CLIC5: variants seen among roughly 807,000 people sequenced by gnomAD.
CLIC5 encodes the protein chloride intracellular channel protein 5.
A neutral mutation model predicts 24.7 loss-of-function variants in CLIC5; 20 were observed. The observed-to-expected ratio is 0.81, with a 90% confidence interval of 0.57 to 1.18. CLIC5 has a LOEUF of 1.18. Ranked by LOEUF, CLIC5 falls within the 50% of genes most tolerant of loss-of-function variation. The probability of loss-of-function intolerance (pLI) is 0.00; values close to 1 mark genes in which losing one functional copy is unlikely to be tolerated. For missense variants in CLIC5, 341 were observed against 326.1 expected (o/e 1.05, Z -0.35); for synonymous variants, 159 against 135.6 (o/e 1.17, Z -1.20).
intron 1 of CLIC5, among the ~76,000 whole-genome samples, chr6:46,060,845 C>G (rs1035879421): frequency 7.2e-5 from 11 of 152,172 alleles, no homozygotes; most frequent in Non-Finnish European, 8.8e-5. Flanking sequence ...TGCTCTAGAA[C>G]CTGATTCCAC....
intron 5 of CLIC5, among the ~76,000 whole-genome samples, chr6:45,911,075 G>A (rs920292845): frequency 1.3e-5 from 2 of 152,124 alleles, no homozygotes; most frequent in African/African-American, 2.4e-5. Context: ...CACTTTCACC[G>A]ACATTCAGCT....
intron 5 of CLIC5, chr6:45,912,438 T>C: frequency 4.3e-6 from 5 of 1,175,082 alleles, no homozygotes; most frequent in Non-Finnish European, 3.2e-6. Context: ...GGAGATTCAT[T>C]TGTTTGCTTT....
chr6:46,084,132 A>T (rs1416605171), upstream of CLIC5, among the ~76,000 whole-genome samples: 2 of 151,894 alleles, frequency 1.3e-5, no homozygotes, highest in Non-Finnish European at 2.9e-5. Context: ...TGCTTGGTAG[A>T]TCTTCCTCCA....
chr6:45,995,760 A>G (rs1766111617), intron 1 of CLIC5, among the ~76,000 whole-genome samples: 1 of 152,252 alleles, frequency 6.6e-6, no homozygotes, highest in Non-Finnish European at 1.5e-5. Flanking sequence ...TGTGGTACAC[A>G]TACACCATGG....
chr6:45,974,536 G>C (rs866214754), intron 1 of CLIC5, among the ~76,000 whole-genome samples: 2 of 124,026 alleles, frequency 1.6e-5, no homozygotes, highest in Non-Finnish European at 3.4e-5. Context: ...GAGAGAGAGA[G>C]AGAGAGAGAG....
intron 4 of CLIC5, among the ~76,000 whole-genome samples, chr6:45,924,721 G>T (rs1763408388): frequency 6.6e-6 from 1 of 151,854 alleles, no homozygotes; most frequent in Non-Finnish European, 1.5e-5. Context: ...GAATATACAA[G>T]AATTCAGTCT....
Position 46,071,738 on chromosome 6 carries a change from A to G in CLIC5, c.540+7965T>C, listed in dbSNP as rs112198996. Among the ~76,000 whole-genome samples the G allele has an allele frequency of 5.7e-3, 865 of 152,278 alleles. 4 individuals are homozygous for G. Among genetic ancestry groups the G allele is most frequent in the African/African-American group, 0.019 (809 of 41,550 alleles). On this transcript the variant is annotated intron_variant, in intron 1 of 5. Transcript: ENST00000185206. ...CTACCCAGCAATCTCATTACTGGGT[A>G]TATACCTAAAGGAATATAAATTGTT...
At chr6:45,887,051 C>A (rs1485768532) in intron 6 of CLIC5, among the ~76,000 whole-genome samples, 1 of 152,174 alleles carries the variant, frequency 6.6e-6, no homozygotes, top group Non-Finnish European at 1.5e-5. Flanking sequence ...ACGCAGCAGA[C>A]AGTCTCTCTG....
intron 1 of CLIC5, among the ~76,000 whole-genome samples, chr6:46,009,051 C>G (rs1766704587): frequency 6.6e-6 from 1 of 152,176 alleles, no homozygotes; most frequent in South Asian, 2.1e-4. Context: ...ACTCTATAGA[C>G]AGGACCTGGG....
At chr6:46,003,351 C>T (rs561166352) in intron 1 of CLIC5, among the ~76,000 whole-genome samples, 5 of 152,272 alleles carry the variant, frequency 3.3e-5, no homozygotes, top group African/African-American at 7.2e-5. Context: ...CTTCCATCCC[C>T]GCTATCTCTT....
At chr6:46,104,748 A>C in the CLIC5 span, among the ~76,000 whole-genome samples, 1 of 152,176 alleles carries the variant, frequency 6.6e-6, no homozygotes, top group Non-Finnish European at 1.5e-5. Flanking sequence ...CCAAATTGAA[A>C]GAAAGACACA....
intron 1 of CLIC5, among the ~76,000 whole-genome samples, chr6:46,015,188 T>C (rs1044899050): frequency 6.6e-6 from 1 of 152,172 alleles, no homozygotes; most frequent in Non-Finnish European, 1.5e-5. Flanking sequence ...CTGAATCGCG[T>C]CCGGGCTGGG....
intron 1 of CLIC5, among the ~76,000 whole-genome samples, chr6:46,031,353 C>A (rs1419947038): frequency 6.6e-6 from 1 of 152,026 alleles, no homozygotes; most frequent in Non-Finnish European, 1.5e-5. Flanking sequence ...ACAAGGTGAG[C>A]CTTGACTCTC....
chr6:45,987,646 C>A (rs560152025), intron 1 of CLIC5, among the ~76,000 whole-genome samples: 1 of 152,282 alleles, frequency 6.6e-6, no homozygotes, highest in Non-Finnish European at 1.5e-5. Context: ...AAGATGCCGG[C>A]TAATTTGATT....
At chr6:45,909,707 A>G (rs1002209217) in intron 5 of CLIC5, among the ~76,000 whole-genome samples, 2 of 152,082 alleles carry the variant, frequency 1.3e-5, no homozygotes, top group Admixed American at 6.5e-5. Context: ...TGCCTTTAAG[A>G]CTTTTTTCTT....
At chr6:45,960,572 AC>A (rs1764812703) in intron 1 of CLIC5, among the ~76,000 whole-genome samples, 1 of 150,214 alleles carries the variant, frequency 6.7e-6, no homozygotes, top group Non-Finnish European at 1.5e-5. Flanking sequence ...TCAGCATGCA[AC>A]CCCCCTGGCA....
At chr6:45,914,118 G>C in intron 5 of CLIC5, 110 bp downstream of exon 5, 5 of 851,704 alleles carry the variant, frequency 5.9e-6, no homozygotes, top group Non-Finnish European at 8.1e-6. Context: ...TGACTTCAGG[G>C]TCCAGGTTCT....
At chr6:46,087,834 A>T in the CLIC5 span, among the ~76,000 whole-genome samples, 1 of 152,170 alleles carries the variant, frequency 6.6e-6, no homozygotes, top group Non-Finnish European at 1.5e-5. Context: ...AGACAATGCT[A>T]CATTTTGATG....
chr6:45,974,497 G>GTGTATATA lies in CLIC5; in HGVS notation c.64-19254_64-19253insTATATACA, dbSNP rs1192750031. On this transcript the variant is annotated intron_variant, in intron 1 of 5. Transcript: ENST00000339561. ...AGTGTTTACTACTGTGTGTGTGTGT[G>GTGTATATA]TATATATATATATATATATATATAT... Among the ~76,000 whole-genome samples, 159 of 75,846 alleles carry GTGTATATA rather than the reference G, an allele frequency of 2.1e-3. 3 individuals are homozygous for GTGTATATA. Among genetic ancestry groups the GTGTATATA allele is most frequent in the South Asian group, 5.4e-3 (8 of 1,478 alleles). 49.8% of individuals were successfully genotyped at this position (75,846 alleles called of 152,430 possible).
Sources: gnomAD v4.1 joint callset for allele counts (sites outside exome capture counted in the v4.1 genomes callset) on GRCh38, gnomAD v4.1.1 for gene constraint, MANE v1.5 for transcripts, NCBI Gene and HGNC (gene_info 2026-07-23, HGNC 2026-07-21) for gene names.